Variants in TOX observed in about 807,000 individuals in gnomAD.
The protein encoded by TOX is thymocyte selection-associated high mobility group box protein TOX.
A neutral mutation model predicts 53.7 loss-of-function variants in TOX; 11 were observed. The observed-to-expected ratio is 0.20, with a 90% CI of 0.13 to 0.34. The LOEUF is 0.34. TOX is among the 10% of genes least tolerant of loss of function. The pLI, the probability that TOX is intolerant of heterozygous loss-of-function variation, is 1.00. For synonymous variants in TOX, 225 were observed against 245.3 expected, an observed-to-expected ratio of 0.92 and a Z score of 0.77; for missense variants, 570 against 664.6, an observed-to-expected ratio of 0.86 and a Z score of 1.56.
At chr8:59,063,344 T>G (rs1804023989) in intron 1 of TOX, among the ~76,000 whole-genome samples, 1 of 152,080 alleles carries the variant, frequency 6.6e-6, no homozygotes. Flanking sequence ...TGATAAAATT[T>G]GCAAAATTTT....
intron 1 of TOX, among the ~76,000 whole-genome samples, chr8:59,092,282 T>TATATAC (rs1554545758): frequency 9.2e-6 from 1 of 108,394 alleles, no homozygotes; most frequent in Non-Finnish European, 1.8e-5. Context: ...TATATATATA[T>TATATAC]TATATATACA....
chr8:59,046,997 T>C (rs1013054770), intron 1 of TOX, among the ~76,000 whole-genome samples: 11 of 152,204 alleles, frequency 7.2e-5, no homozygotes, highest in Middle Eastern at 3.4e-3. Context: ...AAGCATATAT[T>C]CCATGTCTAT....
chr8:58,942,502 C>A (rs908916013), intron 2 of TOX, among the ~76,000 whole-genome samples: 2 of 152,020 alleles, frequency 1.3e-5, no homozygotes, highest in African/African-American at 4.8e-5. Context: ...TGCTTATTTG[C>A]CATGAGCCTA....
intron 1 of TOX, among the ~76,000 whole-genome samples, chr8:59,018,217 A>G (rs1445854953): frequency 6.6e-6 from 1 of 152,200 alleles, no homozygotes; most frequent in East Asian, 1.9e-4. Flanking sequence ...TTGTCATAGT[A>G]TGGTAGTTTT....
chr8:58,987,602 T>C (rs1001888542), intron 1 of TOX, among the ~76,000 whole-genome samples: 9 of 151,506 alleles, frequency 5.9e-5, no homozygotes, highest in African/African-American at 2.2e-4. Context: ...TGGGGAGGAG[T>C]AGACCACTGG....
Position 58,808,045 on chromosome 8 carries a change from G to C in TOX, c.1544+73C>G, listed in dbSNP as rs2726600. 2.0e-6 allele frequency: 3 copies of C among 1,529,892 alleles called. No homozygotes were observed. In the African/African-American group the frequency reaches 4.2e-5, roughly 21 times the overall value. 94.8% of individuals were successfully genotyped at this position (1,529,892 alleles called of 1,614,324 possible). A position where few individuals can be genotyped will look rare whatever the true frequency, so the allele number is the denominator to read the frequency against. On this transcript the variant is annotated intron_variant, in intron 8 of 8. Transcript: ENST00000361421. ...CCGGATCATGTTTTTGGAAACAAGA[G>C]AACGATCAACTAGGGACGATATGCA...
intron 1 of TOX, among the ~76,000 whole-genome samples, chr8:59,080,797 T>G (rs1804393404): frequency 6.6e-6 from 1 of 152,152 alleles, no homozygotes; most frequent in Non-Finnish European, 1.5e-5. Flanking sequence ...TCCACCATGA[T>G]TGTAAGCTTC....
intron 1 of TOX, among the ~76,000 whole-genome samples, chr8:59,037,265 C>T (rs1803487503): frequency 6.7e-6 from 1 of 148,802 alleles, no homozygotes; most frequent in Admixed American, 6.7e-5. Flanking sequence ...TGGTATATTT[C>T]CTTTTGGATG....
chr8:58,914,061 C>T (rs10504268), intron 3 of TOX, among the ~76,000 whole-genome samples: 11,550 of 152,176 alleles, frequency 0.076, 612 homozygotes, highest in Admixed American at 0.17. Flanking sequence ...GTGTAAGTGG[C>T]GTTTATCAAA....
At chr8:59,085,712 T>A (rs937723318) in intron 1 of TOX, among the ~76,000 whole-genome samples, 3 of 152,212 alleles carry the variant, frequency 2.0e-5, no homozygotes, top group African/African-American at 7.2e-5. Context: ...TCAATTTTAT[T>A]TTTGGTTCAA....
intron 1 of TOX, among the ~76,000 whole-genome samples, chr8:59,097,252 A>G (rs1804728606): frequency 6.6e-6 from 1 of 152,142 alleles, no homozygotes; most frequent in Non-Finnish European, 1.5e-5. Context: ...ACCAACTTCC[A>G]TACCTGTCTG....
rs201268814 is a variant in TOX, at chr8:58,815,660, G to A, written c.1070C>T (p.Ser357Leu). 327 of 1,614,094 alleles carry A rather than the reference G, an allele frequency of 2.0e-4. 1 individual carries two copies. Among genetic ancestry groups the A allele is most frequent in the South Asian group, 2.0e-3 (183 of 91,066 alleles). ...GGCCTGGCTGGGCCCATGGAACACC[G>A]ACGGCTTCGAATTGATCAGCTGAGG... ...QPPQLINSKP[S>L]VFHGPSQAHS... Residue 357 changes from serine (S) to leucine (L), a missense_variant, in exon 7 of 9, where the codon TCG becomes TTG. By Grantham distance (145) the Ser-to-Leu change is moderately radical. Transcript: ENST00000361421.
chr8:58,809,575 A>G (rs1346266875), intron 7 of TOX, among the ~76,000 whole-genome samples: 1 of 152,234 alleles, frequency 6.6e-6, no homozygotes, highest in African/African-American at 2.4e-5. Context: ...CAAATCACTG[A>G]AAAATGGACA....
intron 1 of TOX, among the ~76,000 whole-genome samples, chr8:59,101,773 GA>G (rs1198303056): frequency 6.6e-6 from 1 of 152,130 alleles, no homozygotes; most frequent in Admixed American, 6.5e-5. Flanking sequence ...GGAAAAGGGG[GA>G]AAAATCCAAA....
chr8:58,874,476 TTCAGAGCCAAGATTAGAAAA>T (rs1186872610), intron 3 of TOX, among the ~76,000 whole-genome samples: 2 of 152,058 alleles, frequency 1.3e-5, no homozygotes, highest in Admixed American at 1.3e-4. Context: ...CTTGAAGCAT[TTCAGAGCCAAGATTAGAAAA>T]TCAGAGCCAA....
At chr8:58,811,304 C>T (rs551731994) in intron 7 of TOX, among the ~76,000 whole-genome samples, 1 of 152,324 alleles carries the variant, frequency 6.6e-6, no homozygotes, top group East Asian at 1.9e-4. Context: ...AAATCACCAA[C>T]TGTTTTGTAG....
At chr8:59,092,498 C>A (rs184255610) in intron 1 of TOX, among the ~76,000 whole-genome samples, 1 of 150,754 alleles carries the variant, frequency 6.6e-6, no homozygotes, top group African/African-American at 2.4e-5. Context: ...CCAGAGTAAT[C>A]TCTCTAAAAT....
intron 1 of TOX, among the ~76,000 whole-genome samples, chr8:59,101,262 C>T (rs1804803232): frequency 6.6e-6 from 1 of 152,190 alleles, no homozygotes; most frequent in Admixed American, 6.5e-5. Flanking sequence ...TCTGTAAGTA[C>T]ACAGATTTTT....
intron 5 of TOX, among the ~76,000 whole-genome samples, chr8:58,837,200 A>T (rs1810561313): frequency 6.6e-6 from 1 of 152,214 alleles, no homozygotes; most frequent in Admixed American, 6.5e-5. Flanking sequence ...AGAATAAAAT[A>T]TGAGACTAGT....
Sources: gnomAD v4.1 joint callset for allele counts (sites outside exome capture counted in the v4.1 genomes callset) on GRCh38, gnomAD v4.1.1 for gene constraint, MANE v1.5 for transcripts, NCBI Gene and HGNC (gene_info 2026-07-23, HGNC 2026-07-21) for gene names.